The following GRIN2A variants were observed in gnomAD, a reference collection of about 807,000 sequenced individuals.
GRIN2A encodes the protein glutamate ionotropic receptor NMDA type subunit 2A.
A neutral mutation model predicts 113.4 loss-of-function variants in GRIN2A; 22 were observed. The observed-to-expected ratio is 0.19, with a 90% CI of 0.14 to 0.28. The LOEUF is 0.28. GRIN2A is among the 10% of genes least tolerant of loss of function. The pLI, the probability that GRIN2A is intolerant of heterozygous loss-of-function variation, is 1.00. For missense variants in GRIN2A, 1,502 were observed against 1,887.0 expected, an observed-to-expected ratio of 0.80 and a Z score of 3.78; for synonymous variants, 827 against 738.4, an observed-to-expected ratio of 1.12 and a Z score of -1.94.
intron 11 of GRIN2A, among the ~76,000 whole-genome samples, chr16:9,785,901 C>A (rs1440768769): frequency 6.6e-6 from 1 of 152,024 alleles, no homozygotes; most frequent in Admixed American, 6.6e-5. Context: ...TTTTTATATC[C>A]CACCACCTGG....
At chr16:10,046,362 G>A (rs1483499653) in intron 2 of GRIN2A, among the ~76,000 whole-genome samples, 2 of 149,584 alleles carry the variant, frequency 1.3e-5, no homozygotes, top group Admixed American at 1.3e-4. Context: ...TGGCTCCTCA[G>A]TTAACCTAAG....
intron 2 of GRIN2A, among the ~76,000 whole-genome samples, chr16:10,088,900 TTCTC>T (rs146330733): frequency 0.082 from 12,425 of 152,280 alleles, 681 homozygotes; most frequent in Non-Finnish European, 0.13. Flanking sequence ...CACCCTTTCT[TTCTC>T]TTATTCATCC....
At chr16:10,002,708 G>A (rs2046341410) in intron 2 of GRIN2A, among the ~76,000 whole-genome samples, 1 of 152,170 alleles carries the variant, frequency 6.6e-6, no homozygotes, top group African/African-American at 2.4e-5. Flanking sequence ...GTGGTCTGTG[G>A]CCATAGAAGA....
intron 2 of GRIN2A, among the ~76,000 whole-genome samples, chr16:10,136,805 G>C (rs116776745): frequency 1.4e-3 from 209 of 152,260 alleles, no homozygotes; most frequent in African/African-American, 4.9e-3. Flanking sequence ...ACAATGTTTC[G>C]TTTTATCATT....
intron 2 of GRIN2A, among the ~76,000 whole-genome samples, chr16:10,109,005 G>C (rs1364326707): frequency 9.4e-6 from 1 of 106,478 alleles, no homozygotes; most frequent in Admixed American, 1.1e-4. Context: ...ACCCAAAGCT[G>C]ATTCTCTTTA....
chr16:10,130,942 G>C (rs1291516357), intron 2 of GRIN2A, among the ~76,000 whole-genome samples: 1 of 152,178 alleles, frequency 6.6e-6, no homozygotes. Context: ...TGGGGACTGA[G>C]GACTAAGAGG....
chr16:9,849,883 G>T lies in GRIN2A; in HGVS notation c.1201C>A (p.Pro401Thr). 1 of 1,613,702 alleles carries T rather than the reference G, an allele frequency of 6.2e-7. No homozygotes were observed. The change falls in exon 5 of 13, where the codon CCG (proline) becomes ACG (threonine). Residue 401 changes from proline to threonine, a missense_variant. By Grantham distance (38) the Pro-to-Thr change is conservative (BLOSUM62 -1). This residue lies in a region of GRIN2A where 334 missense variants were observed against 403.0 expected (regional missense o/e 0.83). Transcript: ENST00000330684. ...ACGATGCTGAGATGGTTGTCATCCG[G>T]CTCACAGTCGGAGAAGGACTTGTAC... Reference protein sequence around the residue: ...PRYKSFSDCEPDDNHLSIVTL... With the variant: ...PRYKSFSDCETDDNHLSIVTL...
At chr16:10,129,623 T>C (rs1227632483) in intron 2 of GRIN2A, among the ~76,000 whole-genome samples, 2 of 152,282 alleles carry the variant, frequency 1.3e-5, no homozygotes, top group African/African-American at 4.8e-5. Context: ...GTGAGGAATG[T>C]TCCAGAAAGA....
intron 2 of GRIN2A, among the ~76,000 whole-genome samples, chr16:10,077,329 A>T (rs1236520429): frequency 6.6e-6 from 1 of 152,232 alleles, no homozygotes; most frequent in East Asian, 1.9e-4. Context: ...AGGCATCTCA[A>T]GTCTATCATC....
chr16:9,953,388 A>G (rs1181517674), intron 2 of GRIN2A, among the ~76,000 whole-genome samples: 3 of 152,164 alleles, frequency 2.0e-5, no homozygotes, highest in Non-Finnish European at 4.4e-5. Flanking sequence ...CACTCTGTAA[A>G]TGTTTTTTGA....
chr16:9,883,435 G>C (rs572635452), intron 4 of GRIN2A, among the ~76,000 whole-genome samples: 1 of 152,150 alleles, frequency 6.6e-6, no homozygotes, highest in Admixed American at 6.5e-5. Flanking sequence ...ACACTCTTAC[G>C]AATTAGTATA....
At chr16:9,981,705 G>T (rs531219403) in intron 2 of GRIN2A, among the ~76,000 whole-genome samples, 1 of 151,992 alleles carries the variant, frequency 6.6e-6, no homozygotes, top group African/African-American at 2.4e-5. Context: ...TTCATATTTC[G>T]CTGATTGTTC....
chr16:9,959,043 C>G (rs2141696823), intron 2 of GRIN2A, among the ~76,000 whole-genome samples: 1 of 152,304 alleles, frequency 6.6e-6, no homozygotes, highest in South Asian at 2.1e-4. Context: ...ACAACCATCT[C>G]CCTTTTAAGT....
intron 3 of GRIN2A, among the ~76,000 whole-genome samples, chr16:9,920,651 C>G (rs2044341519): frequency 6.6e-6 from 1 of 151,166 alleles, no homozygotes. Context: ...ACTGCAACCT[C>G]GCCTCCCAGG....
At chr16:10,101,381 T>C (rs953879885) in intron 2 of GRIN2A, among the ~76,000 whole-genome samples, 2 of 152,186 alleles carry the variant, frequency 1.3e-5, no homozygotes, top group African/African-American at 4.8e-5. Context: ...ATGAAGCGTA[T>C]ACAAGAACCA....
intron 2 of GRIN2A, among the ~76,000 whole-genome samples, chr16:10,068,005 T>C (rs1317411038): frequency 6.6e-6 from 1 of 152,320 alleles, no homozygotes; most frequent in East Asian, 1.9e-4. Flanking sequence ...TTAAACTCTC[T>C]AGGCTACAAG....
chr16:10,179,878 T>TC, intron 2 of GRIN2A, 120 bp downstream of exon 2: 3 of 443,674 alleles, frequency 6.8e-6, no homozygotes, highest in Admixed American at 2.5e-5. Context: ...GCCACGACCC[T>TC]CCCACCCCCA....
At chr16:9,950,113 C>G (rs1340357764) in intron 2 of GRIN2A, among the ~76,000 whole-genome samples, 2 of 152,124 alleles carry the variant, frequency 1.3e-5, no homozygotes, top group African/African-American at 4.8e-5. Flanking sequence ...CAAACAGATT[C>G]AGGCAAAGTG....
At chr16:9,876,889 G>A (rs2043378545) in intron 4 of GRIN2A, among the ~76,000 whole-genome samples, 1 of 152,158 alleles carries the variant, frequency 6.6e-6, no homozygotes, top group Non-Finnish European at 1.5e-5. Context: ...TCCCATCAGA[G>A]ACAGTCATAG....
Sources: gnomAD v4.1 joint callset for allele counts (sites outside exome capture counted in the v4.1 genomes callset) on GRCh38, gnomAD v4.1.1 for gene constraint, gnomAD v4.1.1 regional missense constraint, MANE v1.5 for transcripts, NCBI Gene and HGNC (gene_info 2026-07-23, HGNC 2026-07-21) for gene names.